MTMR9: variants seen among roughly 807,000 people sequenced by gnomAD.
MTMR9 encodes the protein myotubularin related protein 9, also known as myotubularin-related protein 9.
In MTMR9, 39 loss-of-function variants were observed where a neutral mutation model predicts 69.5. The ratio of observed to expected loss-of-function variants is 0.56; its 90% CI spans 0.43 to 0.73. The LOEUF is 0.73. Among genes scored for constraint, MTMR9 ranks in the 30% least tolerant of loss-of-function variants. MTMR9 has a pLI of 0.00. For synonymous variants in MTMR9, 354 were observed against 240.8 expected (o/e 1.47, Z -4.35); for missense variants, 900 against 671.2 (o/e 1.34, Z -3.77).
intron 2 of MTMR9, 38 bp from the exon 3 acceptor site, chr8:11,299,985 A>G (rs754725985): frequency 2.5e-6 from 4 of 1,597,042 alleles, no homozygotes; most frequent in Admixed American, 1.8e-5. Context: ...CCAGTTGTGG[A>G]TGTTTCTTTT....
In MTMR9 at chr8:11,284,944, G is replaced by A. The variant is rs1799088666; in HGVS notation, c.56G>A (p.Arg19Gln). 3.1e-6 allele frequency: 5 copies of A among 1,613,898 alleles called. No homozygotes were observed. The highest frequency in any genetic ancestry group is 4.2e-6 in the Non-Finnish European group (5 of 1,179,930). Residue 19 changes from arginine (R) to glutamine (Q), a missense_variant, in exon 1 of 10, where the codon CGG becomes CAG. Arg to Gln is a conservative substitution (Grantham distance 43). Coordinates refer to ENST00000221086, the MANE Select transcript of MTMR9 (RefSeq NM_015458.4). ...CGGGTGGACAATGTGGTGCTGCACC[G>A]GCCTTTCTACCCGGCTGTCGAGGGC... ...TPRVDNVVLH[R>Q]PFYPAVEGTL...
chr8:11,288,185 A>C (rs1005686450), intron 1 of MTMR9, among the ~76,000 whole-genome samples: 1 of 137,432 alleles, frequency 7.3e-6, no homozygotes, highest in African/African-American at 2.7e-5. Flanking sequence ...TCACCTATTC[A>C]CCTAATACAT....
chr8:11,287,105 A>G (rs771750741), intron 1 of MTMR9, among the ~76,000 whole-genome samples: 6 of 152,066 alleles, frequency 3.9e-5, no homozygotes, highest in Non-Finnish European at 8.8e-5. Flanking sequence ...TTCGACCGCT[A>G]CCTCCTTCAC....
chr8:11,298,609 A>C, intron 2 of MTMR9: 1 of 280,224 alleles, frequency 3.6e-6, no homozygotes, highest in Non-Finnish European at 5.4e-6. Context: ...GGAGGGAGAT[A>C]AGTGCATTCT....
chr8:11,303,481 A>C (rs1342459414), intron 3 of MTMR9, among the ~76,000 whole-genome samples: 2 of 152,116 alleles, frequency 1.3e-5, no homozygotes, highest in Non-Finnish European at 2.9e-5. Context: ...GGAACAGATA[A>C]CTACATTTTT....
At chr8:11,288,203 TTATA>T (rs1346515430) in intron 1 of MTMR9, among the ~76,000 whole-genome samples, 4 of 137,514 alleles carry the variant, frequency 2.9e-5, no homozygotes, top group African/African-American at 5.4e-5. Flanking sequence ...CATGTAATTA[TTATA>T]TATAATATAT....
chr8:11,321,257 G>C (rs146863554), intron 9 of MTMR9: 61 of 364,976 alleles, frequency 1.7e-4, no homozygotes, highest in African/African-American at 1.1e-3. Context: ...TTTGTGAAGG[G>C]ATGGTGACTG....
In MTMR9 at chr8:11,325,686, G is replaced by A. The variant is rs1174073305; in HGVS notation, c.*2898G>A. ...TTTTTTTTTTAATCAGAAGAACATT[G>A]TTGTTTGATTATATGTTTTTAAAAA... On this transcript the variant is annotated 3_prime_UTR_variant, in exon 10 of 10. Coordinates refer to ENST00000221086, the MANE Select transcript of MTMR9 (RefSeq NM_015458.4). 1 of 149,778 alleles carries A rather than the reference G, an allele frequency of 6.7e-6. No individual in the cohort carries two copies. Among genetic ancestry groups the A allele is most frequent in the Non-Finnish European group, 1.5e-5 (1 of 67,584 alleles). 9.3% of individuals were successfully genotyped at this position (149,778 alleles called of 1,614,324 possible). A position where few individuals can be genotyped will look rare whatever the true frequency, so the allele number is the denominator to read the frequency against.
At chr8:11,309,817 TC>T in intron 6 of MTMR9, 129 bp downstream of exon 6, 1 of 912,034 alleles carries the variant, frequency 1.1e-6, no homozygotes, top group Non-Finnish European at 1.6e-6. Flanking sequence ...GTCAACACCA[TC>T]CCATTATTGA....
In MTMR9 at chr8:11,285,053, C is replaced by T. The variant is rs773197199; in HGVS notation, c.165C>T (p.Ile55=). The T allele has an allele frequency of 3.1e-6, 5 of 1,606,690 alleles. No homozygotes were observed. In the East Asian group the frequency reaches 1.1e-4, roughly 36 times the overall value. Reference sequence around the variant, plus strand: ...AGCTGTGGCTCCTCCATTCAAACATCGACGCCATCGACAAGCGGTGAGTGC... The same window carrying T: ...AGCTGTGGCTCCTCCATTCAAACATTGACGCCATCGACAAGCGGTGAGTGC... The part of the protein sequence containing the change: ...TEELWLLHSN[I]DAIDKRFVGS... Residue 55 remains isoleucine (I), a synonymous_variant, in exon 1 of 10, where the codon ATC becomes ATT. Transcript: ENST00000221086.
At chr8:11,288,719 A>G (rs4841519) in intron 1 of MTMR9, among the ~76,000 whole-genome samples, 1 of 152,020 alleles carries the variant, frequency 6.6e-6, no homozygotes, top group African/African-American at 2.4e-5. Context: ...TGCAGGCCAC[A>G]GTAATGGTTT....
chr8:11,322,857 C>T lies in MTMR9; in HGVS notation c.*69C>T, dbSNP rs1347954651. The stretch of plus-strand genomic sequence containing the variant: ...TCCGCCGTTCTCTCCTTGTGCCCTT[C>T]AGTTCACTTTTACACGGTAGCCTTG... On this transcript the variant is annotated 3_prime_UTR_variant, in exon 10 of 10. Coordinates refer to ENST00000221086, the MANE Select transcript of MTMR9 (RefSeq NM_015458.4). 6 of 1,460,748 alleles carry T rather than the reference C, an allele frequency of 4.1e-6. No individual in the cohort carries two copies. Among genetic ancestry groups the T allele is most frequent in the South Asian group, 1.3e-5 (1 of 76,760 alleles). 90.5% of individuals were successfully genotyped at this position (1,460,748 alleles called of 1,614,324 possible).
intron 1 of MTMR9, among the ~76,000 whole-genome samples, chr8:11,287,748 A>T (rs1166066182): frequency 7.6e-6 from 1 of 131,008 alleles, no homozygotes; most frequent in African/African-American, 3.0e-5. Context: ...TTATTTTCTT[A>T]TATATTTATT....
intron 1 of MTMR9, 65 bp from the exon 2 acceptor site, chr8:11,295,129 A>G (rs1585111197): frequency 4.7e-6 from 4 of 847,120 alleles, no homozygotes. Flanking sequence ...CTTTTCAAAG[A>G]AATAATAATA....
intron 3 of MTMR9, among the ~76,000 whole-genome samples, chr8:11,303,990 A>T (rs914698531): frequency 1.3e-5 from 2 of 152,128 alleles, no homozygotes; most frequent in Admixed American, 6.5e-5. Flanking sequence ...TCTTCCTGCT[A>T]TTGTAACCCA....
intron 1 of MTMR9, 108 bp downstream of exon 1, chr8:11,285,178 G>A: frequency 9.0e-7 from 1 of 1,105,288 alleles, no homozygotes. Context: ...CAGCTAGCCG[G>A]CAAGATGAGC....
chr8:11,313,035 C>G (rs948467203), intron 6 of MTMR9, among the ~76,000 whole-genome samples: 2 of 152,192 alleles, frequency 1.3e-5, no homozygotes, highest in African/African-American at 2.4e-5. Context: ...CTTCATTGTT[C>G]CATTTATAGA....
chr8:11,312,211 AT>A (rs925590650), intron 6 of MTMR9, among the ~76,000 whole-genome samples: 73 of 149,464 alleles, frequency 4.9e-4, no homozygotes, highest in African/African-American at 1.6e-3. Flanking sequence ...CGGTCACCTA[AT>A]TTTTTTTTTC....
intron 6 of MTMR9, among the ~76,000 whole-genome samples, chr8:11,314,102 C>T (rs979354841): frequency 9.9e-5 from 15 of 152,106 alleles, no homozygotes; most frequent in African/African-American, 2.4e-4. Context: ...GAAATTGCCT[C>T]GTATTAAAGC....
Sources: allele counts gnomAD v4.1 joint callset (sites outside exome capture counted in the v4.1 genomes callset), GRCh38; gene constraint gnomAD v4.1.1; transcripts MANE v1.5; gene names NCBI Gene and HGNC (gene_info 2026-07-23, HGNC 2026-07-21).